Variants in KIF13A observed in about 807,000 individuals in gnomAD.
KIF13A encodes kinesin family member 13A.
A neutral mutation model predicts 212.2 loss-of-function variants in KIF13A; 79 were observed. The ratio of observed to expected loss-of-function variants is 0.37; its 90% CI spans 0.31 to 0.45. The LOEUF is 0.45. Ranked by LOEUF, KIF13A falls within the 20% of genes least tolerant of loss-of-function variation. KIF13A has a pLI of 1.00. For synonymous variants in KIF13A, 789 were observed against 808.6 expected (o/e 0.98, Z 0.41); for missense variants, 1,901 against 2,209.0 (o/e 0.86, Z 2.79).
At chr6:17,980,726 G>A (rs1036230280) in intron 2 of KIF13A, among the ~76,000 whole-genome samples, 2 of 152,170 alleles carry the variant, frequency 1.3e-5, no homozygotes, top group African/African-American at 4.8e-5. Context: ...AAAAAGTTTT[G>A]TATGACAAGA....
Position 17,915,026 on chromosome 6 carries a change from G to T in KIF13A, c.147-16846C>A, listed in dbSNP as rs1774373627. On this transcript the variant is annotated intron_variant, in intron 2 of 38. Coordinates refer to ENST00000259711, the MANE Select transcript of KIF13A (RefSeq NM_022113.6). This position sits in a 1 kb window ranked among gnomAD's most constrained non-coding sequence, Gnocchi z 4.4. ...TCATACATTTAACTACCTGGTTTTGGTTTTATTTCCAAGATTGGTTTTCCA... is the reference window on the plus strand; with the variant it reads ...TCATACATTTAACTACCTGGTTTTGTTTTTATTTCCAAGATTGGTTTTCCA... Among the ~76,000 whole-genome samples the T allele has an allele frequency of 6.6e-6, 1 of 152,068 alleles. No homozygotes were observed. The highest frequency in any genetic ancestry group is 2.1e-4 in the South Asian group (1 of 4,834).
At chr6:17,763,541 G>A (rs1170522572), downstream of KIF13A, among the ~76,000 whole-genome samples, 1 of 146,178 alleles carries the variant, frequency 6.8e-6, no homozygotes, top group Non-Finnish European at 1.5e-5. Context: ...TACTTCCAAA[G>A]TCCAAACTTC....
intron 3 of KIF13A, among the ~76,000 whole-genome samples, chr6:17,884,937 T>A (rs1222673693): frequency 1.3e-5 from 2 of 152,232 alleles, no homozygotes; most frequent in Non-Finnish European, 2.9e-5. Flanking sequence ...AAGACTACAA[T>A]TAATATGAAA....
chr6:17,773,798 T>C lies in KIF13A; in HGVS notation c.4219-215A>G, dbSNP rs1211665610. ...GGAGTGAATACATGTTAATATTTTA[T>C]TATATTTGCTCAAGTTTAATAAAAT... On this transcript the variant is annotated intron_variant, in intron 35 of 38. Transcript: ENST00000259711. This position sits in a 1 kb window ranked among gnomAD's most constrained non-coding sequence, Gnocchi z 4.2. Among the ~76,000 whole-genome samples, 2 of 152,228 alleles carry C rather than the reference T, an allele frequency of 1.3e-5. No homozygotes were observed. The highest frequency in any genetic ancestry group is 2.4e-5 in the African/African-American group (1 of 41,462).
chr6:17,863,689 G>A (rs1769072999), intron 4 of KIF13A, among the ~76,000 whole-genome samples: 1 of 152,172 alleles, frequency 6.6e-6, no homozygotes, highest in East Asian at 1.9e-4. Flanking sequence ...AAACACAGAT[G>A]ATGGCTACAC....
chr6:17,788,904 T>C (rs1761294572), intron 26 of KIF13A, among the ~76,000 whole-genome samples: 1 of 152,126 alleles, frequency 6.6e-6, no homozygotes, highest in African/African-American at 2.4e-5. Context: ...TTTGTATTTT[T>C]AGTAGAGACG....
intron 4 of KIF13A, among the ~76,000 whole-genome samples, chr6:17,867,973 G>A (rs1769577451): frequency 6.6e-6 from 1 of 152,194 alleles, no homozygotes; most frequent in South Asian, 2.1e-4. Flanking sequence ...TCCACAGATT[G>A]GAGGTGCTCT....
At chr6:17,797,396 A>G (rs535711275) in intron 22 of KIF13A, among the ~76,000 whole-genome samples, 4 of 152,306 alleles carry the variant, frequency 2.6e-5, no homozygotes, top group African/African-American at 9.6e-5. Context: ...ACGGTTTGTT[A>G]GTTGCAAAGC....
intron 7 of KIF13A, 138 bp downstream of exon 7, chr6:17,851,817 G>A (rs985175248): frequency 5.7e-5 from 25 of 434,874 alleles, no homozygotes; most frequent in Non-Finnish European, 9.1e-5. Flanking sequence ...CTCTGTTTGC[G>A]GTGTGCTGAT....
intron 14 of KIF13A, among the ~76,000 whole-genome samples, chr6:17,827,526 T>G (rs1161180647): frequency 6.6e-6 from 1 of 151,876 alleles, no homozygotes; most frequent in East Asian, 1.9e-4. Flanking sequence ...TTTTTTTTTT[T>G]TTTTGAGACA....
At chr6:17,933,034 TAA>T (rs1282849781) in intron 2 of KIF13A, among the ~76,000 whole-genome samples, 1 of 152,122 alleles carries the variant, frequency 6.6e-6, no homozygotes, top group African/African-American at 2.4e-5. Flanking sequence ...TAAGAATATC[TAA>T]AGTGTATCAT....
intron 2 of KIF13A, among the ~76,000 whole-genome samples, chr6:17,954,957 G>C (rs1262776608): frequency 2.0e-5 from 3 of 152,120 alleles, no homozygotes; most frequent in Non-Finnish European, 2.9e-5. Context: ...GGCATTACAG[G>C]TGTGTGCCAC....
At chr6:17,904,544 G>A (rs1404554031) in intron 2 of KIF13A, among the ~76,000 whole-genome samples, 1 of 152,168 alleles carries the variant, frequency 6.6e-6, no homozygotes, top group African/African-American at 2.4e-5. Flanking sequence ...GAAAGGAGAA[G>A]TCTGTACTTA....
At chr6:17,845,162 C>T (rs9477540) in intron 9 of KIF13A, among the ~76,000 whole-genome samples, 3 of 152,178 alleles carry the variant, frequency 2.0e-5, no homozygotes, top group East Asian at 1.9e-4. Flanking sequence ...ATAAAACCAT[C>T]GGATCTCGTG....
intron 2 of KIF13A, among the ~76,000 whole-genome samples, chr6:17,924,668 G>A (rs911711029): frequency 1.3e-5 from 2 of 152,146 alleles, no homozygotes; most frequent in South Asian, 2.1e-4. Context: ...ACAGAACAAG[G>A]ACAAAGAGTT....
intron 2 of KIF13A, among the ~76,000 whole-genome samples, chr6:17,940,581 C>T (rs913102771): frequency 3.8e-4 from 58 of 152,120 alleles, no homozygotes; most frequent in Admixed American, 3.8e-3. Flanking sequence ...GAGAGAATTC[C>T]CTGTTCCCCT....
intron 9 of KIF13A, among the ~76,000 whole-genome samples, chr6:17,848,558 C>CTT (rs66477046): frequency 0.012 from 838 of 68,736 alleles, 1 homozygote; most frequent in African/African-American, 0.014. Context: ...ACTCGTACAT[C>CTT]TTTTTTTTTT....
At chr6:17,908,330 T>C (rs1275687801) in intron 2 of KIF13A, among the ~76,000 whole-genome samples, 1 of 152,238 alleles carries the variant, frequency 6.6e-6, no homozygotes, top group Non-Finnish European at 1.5e-5. Context: ...CTGGGCATGG[T>C]GGCTCATGAC....
rs897886177 is a variant in KIF13A, at chr6:17,987,221, G to A, written c.56-77C>T. ...CCCGCCCGCCCGCCAGCCGCGCCGA[G>A]CGGGGCTCCGTCCCTGGAGGCGGCC... On this transcript the variant is annotated intron_variant, in intron 1 of 38. Coordinates refer to ENST00000259711, the MANE Select transcript of KIF13A (RefSeq NM_022113.6). The surrounding 1 kb of genome is among the most constrained non-coding windows in gnomAD (Gnocchi z 7.7). The A allele has an allele frequency of 7.7e-7, 1 of 1,292,034 alleles. No homozygotes were observed. 80.0% of individuals were successfully genotyped at this position (1,292,034 alleles called of 1,614,324 possible). A position where few individuals can be genotyped will look rare whatever the true frequency, so the allele number is the denominator to read the frequency against.
Sources: gnomAD v4.1 joint callset for allele counts (sites outside exome capture counted in the v4.1 genomes callset) on GRCh38, gnomAD v4.1.1 for gene constraint, Gnocchi (gnomAD v3.1) non-coding constraint, MANE v1.5 for transcripts, NCBI Gene and HGNC (gene_info 2026-07-23, HGNC 2026-07-21) for gene names.